PAPPA2: variants seen among roughly 807,000 people sequenced by gnomAD.
The protein encoded by PAPPA2 is pappalysin-2.
PAPPA2 carries 86 observed loss-of-function variants against 176.4 expected under a neutral mutation model. The observed-to-expected ratio is 0.49, with a 90% CI of 0.41 to 0.58. The LOEUF (loss-of-function observed/expected upper bound fraction) is 0.58. Ranked by LOEUF, PAPPA2 falls within the 20% of genes least tolerant of loss-of-function variation. PAPPA2 has a pLI of 0.00. For synonymous variants in PAPPA2, 809 were observed against 852.2 expected (o/e 0.95, Z 0.88); for missense variants, 2,073 against 2,256.9 (o/e 0.92, Z 1.65).
intron 12 of PAPPA2, among the ~76,000 whole-genome samples, chr1:176,717,939 A>G (rs999718109): frequency 1.3e-5 from 2 of 152,176 alleles, no homozygotes; most frequent in African/African-American, 4.8e-5. Flanking sequence ...GTCAGGTTTT[A>G]TGATCAAAGC....
chr1:176,621,525 G>T (rs1187362818), intron 3 of PAPPA2, among the ~76,000 whole-genome samples: 3 of 152,142 alleles, frequency 2.0e-5, no homozygotes, highest in African/African-American at 7.2e-5. Flanking sequence ...ACTCTTCTAA[G>T]TAATTTAGCA....
intron 1 of PAPPA2, among the ~76,000 whole-genome samples, chr1:176,480,973 T>A (rs1652366475): frequency 6.6e-6 from 1 of 152,124 alleles, no homozygotes; most frequent in Non-Finnish European, 1.5e-5. Flanking sequence ...CTCCTAGGCC[T>A]GCACCTCCAC....
intron 12 of PAPPA2, among the ~76,000 whole-genome samples, chr1:176,716,554 A>G (rs1661381243): frequency 7.2e-6 from 1 of 139,118 alleles, no homozygotes; most frequent in South Asian, 2.3e-4. Flanking sequence ...CCTTAATCGA[A>G]CCTCTTAAGA....
intron 1 of PAPPA2, among the ~76,000 whole-genome samples, chr1:176,548,622 ACG>A (rs1215580647): frequency 6.6e-6 from 1 of 152,110 alleles, no homozygotes; most frequent in Non-Finnish European, 1.5e-5. Context: ...AGCTCTGGAA[ACG>A]CGCAGTTCTT....
intron 3 of PAPPA2, among the ~76,000 whole-genome samples, chr1:176,596,403 A>T (rs1263959098): frequency 1.3e-5 from 2 of 152,062 alleles, no homozygotes; most frequent in African/African-American, 4.8e-5. Flanking sequence ...CAGGGCTTTT[A>T]TGTGCTGTTC....
At chr1:176,511,002 C>A (rs891797469) in intron 1 of PAPPA2, among the ~76,000 whole-genome samples, 1 of 151,676 alleles carries the variant, frequency 6.6e-6, no homozygotes, top group Admixed American at 6.6e-5. Flanking sequence ...ATAGTTAATT[C>A]AAACATAGCC....
At chr1:176,513,884 AG>A (rs1648755779) in intron 1 of PAPPA2, among the ~76,000 whole-genome samples, 1 of 152,166 alleles carries the variant, frequency 6.6e-6, no homozygotes, top group Non-Finnish European at 1.5e-5. Context: ...AGCTGAAGCG[AG>A]CATGCTGTCC....
At position 176,576,118 on chromosome 1, in the gene PAPPA2, T is replaced by C. The variant is rs546671433; in HGVS notation, c.920-18406T>C. On this transcript the variant is annotated intron_variant, in intron 2 of 22. Coordinates refer to ENST00000367662, the MANE Select transcript of PAPPA2 (RefSeq NM_020318.3). ...ATTCCTAGAAGTGAAATTACAGGGCTGGAGCATGAGGCTGTTTTTGGCAAA... is the reference window on the plus strand; with the variant it reads ...ATTCCTAGAAGTGAAATTACAGGGCCGGAGCATGAGGCTGTTTTTGGCAAA... Among the ~76,000 whole-genome samples the C allele has an allele frequency of 4.5e-4, 67 of 149,008 alleles. 1 individual carries two copies. The highest frequency in any genetic ancestry group is 1.5e-3 in the South Asian group (7 of 4,822).
At chr1:176,750,838 C>T (rs981746961) in intron 14 of PAPPA2, among the ~76,000 whole-genome samples, 4 of 152,066 alleles carry the variant, frequency 2.6e-5, no homozygotes, top group African/African-American at 4.8e-5. Flanking sequence ...AATGAGTTCA[C>T]GCATTGTGTT....
intron 21 of PAPPA2, among the ~76,000 whole-genome samples, chr1:176,839,435 G>A (rs930236341): frequency 6.6e-6 from 1 of 152,222 alleles, no homozygotes; most frequent in Non-Finnish European, 1.5e-5. Flanking sequence ...TGCAGTAGCA[G>A]TGGTGGATGG....
intron 21 of PAPPA2, among the ~76,000 whole-genome samples, chr1:176,830,144 G>A (rs61821308): frequency 0.066 from 9,997 of 152,226 alleles, 378 homozygotes; most frequent in Non-Finnish European, 0.086. Context: ...TGAGGCAGGA[G>A]GATTGCTTGA....
At chr1:176,738,856 A>G (rs1042965636) in intron 12 of PAPPA2, among the ~76,000 whole-genome samples, 1 of 151,320 alleles carries the variant, frequency 6.6e-6, no homozygotes, top group South Asian at 2.1e-4. Flanking sequence ...TTTTTTTTCT[A>G]TCAAAGGATT....
In PAPPA2 at chr1:176,634,610, T is replaced by TAA. The variant is rs967098313; in HGVS notation, c.1992-36352_1992-36351dup. Among the ~76,000 whole-genome samples, 3 of 149,640 alleles carry TAA rather than the reference T, an allele frequency of 2.0e-5. No individual in the cohort carries two copies. In the East Asian group the frequency reaches 5.8e-4, roughly 29 times the overall value. On this transcript the variant is annotated intron_variant, in intron 3 of 22. Coordinates refer to ENST00000367662, the MANE Select transcript of PAPPA2 (RefSeq NM_020318.3). ...ATAATAAAAATATATATATATAAAATAAAAAAAAACACTTGAACCCAGGTG... is the reference window on the plus strand; with the variant it reads ...ATAATAAAAATATATATATATAAAATAAAAAAAAAAACACTTGAACCCAGGTG...
At chr1:176,595,805 G>C (rs1351753044) in intron 3 of PAPPA2, among the ~76,000 whole-genome samples, 1 of 152,204 alleles carries the variant, frequency 6.6e-6, no homozygotes, top group Non-Finnish European at 1.5e-5. Flanking sequence ...AGTCCTCACA[G>C]AACTCACTGT....
chr1:176,721,815 T>G (rs903227949), intron 12 of PAPPA2, among the ~76,000 whole-genome samples: 4 of 152,166 alleles, frequency 2.6e-5, no homozygotes, highest in Admixed American at 6.5e-5. Context: ...TCAAAAAAAT[T>G]TTTTTCAGGT....
intron 4 of PAPPA2, among the ~76,000 whole-genome samples, chr1:176,681,033 G>T (rs115911198): frequency 6.6e-6 from 1 of 151,948 alleles, no homozygotes; most frequent in Admixed American, 6.6e-5. Context: ...TTTTGGATAT[G>T]TTGAGCTAGG....
At chr1:176,702,542 A>G in intron 8 of PAPPA2, 65 bp from the exon 9 acceptor site, 1 of 1,591,738 alleles carries the variant, frequency 6.3e-7, no homozygotes, top group Non-Finnish European at 8.6e-7. Context: ...TGAACCATCA[A>G]CAAAGGACCC....
chr1:176,623,576 C>CTCCTTCCTTCCT lies in PAPPA2; in HGVS notation c.1991+28019_1991+28030dup, dbSNP rs200667738. 2.0e-3 allele frequency among the ~76,000 whole-genome samples: 168 copies of CTCCTTCCTTCCT among 84,960 alleles called. 4 individuals are homozygous for CTCCTTCCTTCCT. The highest frequency in any genetic ancestry group is 0.01 in the African/African-American group (161 of 15,758). The allele number at this position is 84,960 out of a possible 152,430, so 55.7% of individuals were successfully genotyped here. A position where few individuals can be genotyped will look rare whatever the true frequency, so the allele number is the denominator to read the frequency against. ...ATTTTCCCCTTCCTTCCTTCCTTCC[C>CTCCTTCCTTCCT]TCCTTCCTTCCTTCCTTCCTTCCTT... On this transcript the variant is annotated intron_variant, in intron 3 of 22. Transcript: ENST00000367662.
chr1:176,742,237 T>A (rs1366559180), intron 14 of PAPPA2, among the ~76,000 whole-genome samples: 1 of 152,132 alleles, frequency 6.6e-6, no homozygotes, highest in African/African-American at 2.4e-5. Flanking sequence ...ATAGTAGGTA[T>A]GAGAAACTGT....
Sources: gnomAD v4.1 joint callset for allele counts (sites outside exome capture counted in the v4.1 genomes callset) on GRCh38, gnomAD v4.1.1 for gene constraint, MANE v1.5 for transcripts, NCBI Gene and HGNC (gene_info 2026-07-23, HGNC 2026-07-21) for gene names.